Variants in FSIP2 observed in about 807,000 individuals in gnomAD.
FSIP2 encodes the protein fibrous sheath-interacting protein 2.
FSIP2 carries 367 observed loss-of-function variants against 510.5 expected under a neutral mutation model. That is an observed-to-expected ratio of 0.72 (90% CI 0.66 to 0.78). The LOEUF (loss-of-function observed/expected upper bound fraction) is 0.78. Ranked by LOEUF, FSIP2 falls within the 30% of genes least tolerant of loss-of-function variation. The pLI is 0.00. For synonymous variants in FSIP2, 2,601 were observed against 2,732.2 expected (o/e 0.95, Z 1.50); for missense variants, 7,594 against 7,901.7 (o/e 0.96, Z 1.48).
At chr2:185,751,933 A>G (rs1172163846) in intron 7 of FSIP2, among the ~76,000 whole-genome samples, 1 of 150,782 alleles carries the variant, frequency 6.6e-6, no homozygotes, top group Non-Finnish European at 1.5e-5. Flanking sequence ...AATTCCCACA[A>G]TACATTGCTA....
At position 185,791,701 on chromosome 2, in the gene FSIP2, C is replaced by A. The variant is rs1693133727; in HGVS notation, c.4565C>A (p.Ser1522Ter). The change falls in exon 16 of 23, where the codon TCA (serine) becomes TAA (stop). Residue 1522 changes from serine to a stop codon, truncating the protein, a stop_gained. Transcript: ENST00000424728. LOFTEE classifies it high-confidence loss of function. Reference protein sequence around the residue: ...ISESLDIDNPSFASIIEKMAK... With the variant: ...ISESLDIDNP Reference sequence around the variant, plus strand: ...GAGTCTCTTGACATTGACAACCCATCATTTGCTTCAATTATTGAGAAAATG... The same window carrying A: ...GAGTCTCTTGACATTGACAACCCATAATTTGCTTCAATTATTGAGAAAATG... 6.5e-7 allele frequency: 1 copy of A among 1,534,338 alleles called. No individual in the cohort carries two copies. Among genetic ancestry groups the A allele is most frequent in the Non-Finnish European group, 8.7e-7 (1 of 1,145,580 alleles).
chr2:185,764,791 G>C, intron 13 of FSIP2: 1 of 437,380 alleles, frequency 2.3e-6, no homozygotes, highest in East Asian at 3.7e-5. Flanking sequence ...AGCTGGGAAA[G>C]TTATGGGAAA....
Position 185,796,434 on chromosome 2 carries a change from G to C in FSIP2, c.9298G>C (p.Glu3100Gln), listed in dbSNP as rs1229311599. The C allele has an allele frequency of 2.0e-6, 3 of 1,534,500 alleles. No individual in the cohort carries two copies. The Admixed American group carries it at 5.9e-5, about 30-fold the overall frequency. Residue 3100 changes from glutamate to glutamine, a missense_variant, in exon 16 of 23, where the codon GAA becomes CAA. By Grantham distance (29) the Glu-to-Gln change is conservative. Coordinates refer to ENST00000424728, the MANE Select transcript of FSIP2 (RefSeq NM_173651.4). ...TGTAATTAAGAACAAGCTAGACAAC[G>C]AAATAAGCCAAATGGAACCATCTTC... ...LAVIKNKLDN[E>Q]ISQMEPSSIS...
At chr2:185,815,328 C>T in intron 18 of FSIP2, 43 bp from the exon 19 acceptor site, 1 of 880,964 alleles carries the variant, frequency 1.1e-6, no homozygotes, top group Non-Finnish European at 1.8e-6. Flanking sequence ...GAAAATATAT[C>T]CCAAACTCCA....
chr2:185,821,782 C>T (rs1462071524), intron 19 of FSIP2, among the ~76,000 whole-genome samples: 1 of 151,582 alleles, frequency 6.6e-6, no homozygotes, highest in African/African-American at 2.4e-5. Context: ...AAAAAATAGC[C>T]AGACATGGTG....
chr2:185,822,782 G>A (rs969888840), intron 19 of FSIP2, among the ~76,000 whole-genome samples: 1 of 151,706 alleles, frequency 6.6e-6, no homozygotes, highest in Non-Finnish European at 1.5e-5. Flanking sequence ...AAATGCAGAT[G>A]TCTTATTTAC....
At position 185,807,707 on chromosome 2, in the gene FSIP2, T is replaced by C. The variant is rs1024854201; in HGVS notation, c.18401T>C (p.Phe6134Ser). The change falls in exon 17 of 23, where the codon TTT becomes TCT. Residue 6134 changes from phenylalanine to serine, a missense_variant. Coordinates refer to ENST00000424728, the MANE Select transcript of FSIP2 (RefSeq NM_173651.4). ...GCTAGCAATCAGCTGCAGAGCTATTTTTGTGGAGAGCTAACTCCACATCAG... is the reference window on the plus strand; with the variant it reads ...GCTAGCAATCAGCTGCAGAGCTATTCTTGTGGAGAGCTAACTCCACATCAG... ...EVASNQLQSY[F>S]CGELTPHQCV... 1 of 1,612,690 alleles carries C rather than the reference T, an allele frequency of 6.2e-7. No individual in the cohort carries two copies. Among genetic ancestry groups the C allele is most frequent in the African/African-American group, 1.3e-5 (1 of 74,822 alleles).
intron 13 of FSIP2, among the ~76,000 whole-genome samples, chr2:185,776,090 T>G (rs369962233): frequency 6.6e-6 from 1 of 152,020 alleles, no homozygotes; most frequent in Admixed American, 6.6e-5. Flanking sequence ...GGCAAAATGG[T>G]GATACACTGT....
At chr2:185,769,296 T>G (rs1039033679) in intron 13 of FSIP2, among the ~76,000 whole-genome samples, 3 of 152,132 alleles carry the variant, frequency 2.0e-5, no homozygotes, top group Non-Finnish European at 4.4e-5. Flanking sequence ...TGCCAGCATC[T>G]ATTATTTTCT....
At chr2:185,755,989 T>C (rs564579899) in intron 8 of FSIP2, among the ~76,000 whole-genome samples, 120 of 151,642 alleles carry the variant, frequency 7.9e-4, no homozygotes, top group Non-Finnish European at 1.6e-3. Flanking sequence ...CAAATGTATC[T>C]TTTAATATTA....
intron 19 of FSIP2, among the ~76,000 whole-genome samples, chr2:185,816,011 C>G (rs1317988084): frequency 6.6e-6 from 1 of 151,934 alleles, no homozygotes; most frequent in African/African-American, 2.4e-5. Flanking sequence ...AAAGTATGGG[C>G]TATAACAGTT....
chr2:185,803,394 A>G lies in FSIP2; in HGVS notation c.14088A>G (p.Thr4696=), dbSNP rs1415460717. 6.5e-7 allele frequency: 1 copy of G among 1,533,238 alleles called. No individual in the cohort carries two copies. Among genetic ancestry groups the G allele is most frequent in the African/African-American group, 1.4e-5 (1 of 72,952 alleles). 95.0% of individuals were successfully genotyped at this position (1,533,238 alleles called of 1,614,324 possible). A position where few individuals can be genotyped will look rare whatever the true frequency, so the allele number is the denominator to read the frequency against. The change falls in exon 17 of 23, where the codon ACA becomes ACG. Residue 4696 remains threonine (T), a synonymous_variant. Transcript: ENST00000424728. The stretch of plus-strand genomic sequence containing the variant: ...CAGTGGAGAGGGATGTAGTCAAAAC[A>G]ATTGTTGACATGGTGTACAGCAAAG... ...LPPVERDVVK[T]IVDMVYSKVL...
chr2:185,766,526 T>C (rs1287336318), intron 13 of FSIP2: 4 of 147,198 alleles, frequency 2.7e-5, no homozygotes, highest in Non-Finnish European at 4.5e-5. Flanking sequence ...CAGACACTTC[T>C]CAAAAGAAGA....
At chr2:185,756,595 C>A (rs1387631455) in intron 9 of FSIP2, among the ~76,000 whole-genome samples, 1 of 151,320 alleles carries the variant, frequency 6.6e-6, no homozygotes, top group Non-Finnish European at 1.5e-5. Flanking sequence ...TCAAAATAAT[C>A]TCAGAAAACT....
Position 185,807,798 on chromosome 2 carries a change from C to T in FSIP2, c.18492C>T (p.Pro6164=). Residue 6164 remains proline (P), a synonymous_variant, in exon 17 of 23, where the codon CCC becomes CCT. Transcript: ENST00000424728. The part of the protein sequence containing the change: ...LKDVFQTTDV[P]LPKPSHADKL... The stretch of plus-strand genomic sequence containing the variant: ...ATGTTTTCCAAACTACTGATGTGCC[C>T]CTACCTAAACCTTCACATGCTGATA... 6.2e-7 allele frequency: 1 copy of T among 1,612,508 alleles called. No homozygotes were observed. Among genetic ancestry groups the T allele is most frequent in the Non-Finnish European group, 8.5e-7 (1 of 1,179,192 alleles).
At chr2:185,820,744 G>T in intron 19 of FSIP2, among the ~76,000 whole-genome samples, 1 of 151,266 alleles carries the variant, frequency 6.6e-6, no homozygotes, top group East Asian at 1.9e-4. Context: ...ATGGGTCAAA[G>T]AAGAAATAAT....
chr2:185,737,520 A>T (rs1351108026), upstream of FSIP2, among the ~76,000 whole-genome samples: 1 of 152,198 alleles, frequency 6.6e-6, no homozygotes, highest in Non-Finnish European at 1.5e-5. Context: ...GAGTAGATAG[A>T]ATCGGGCAAA....
intron 9 of FSIP2, among the ~76,000 whole-genome samples, chr2:185,757,724 T>C (rs2105551145): frequency 6.6e-6 from 1 of 151,442 alleles, no homozygotes; most frequent in Admixed American, 6.6e-5. Context: ...TTGAAGTCAA[T>C]TTCCTGCTCC....
intron 20 of FSIP2, among the ~76,000 whole-genome samples, chr2:185,825,260 T>G (rs2193822): frequency 0.27 from 40,348 of 151,600 alleles, 6,107 homozygotes; most frequent in East Asian, 0.45. Flanking sequence ...CTATAATGTC[T>G]GAATTGTGGA....
Sources: gnomAD v4.1 joint callset for allele counts (sites outside exome capture counted in the v4.1 genomes callset) on GRCh38, gnomAD v4.1.1 for gene constraint, MANE v1.5 for transcripts, NCBI Gene and HGNC (gene_info 2026-07-23, HGNC 2026-07-21) for gene names.